The following HSDL1 variants were observed in gnomAD, a reference collection of about 807,000 sequenced individuals.
HSDL1 encodes inactive hydroxysteroid dehydrogenase-like protein 1.
HSDL1 carries 29 observed loss-of-function variants against 31.5 expected under a neutral mutation model. The observed-to-expected ratio is 0.92, with a 90% CI of 0.69 to 1.26. HSDL1 has a LOEUF of 1.26. Ranked by LOEUF, HSDL1 falls within the 50% of genes most tolerant of loss-of-function variation. HSDL1 has a pLI of 0.00. For missense variants in HSDL1, 503 were observed against 416.6 expected, an observed-to-expected ratio of 1.21 and a Z score of -1.81; for synonymous variants, 222 against 155.2, an observed-to-expected ratio of 1.43 and a Z score of -3.20.
At chr16:84,134,634 C>CA (rs1012162607) in intron 2 of HSDL1, among the ~76,000 whole-genome samples, 5 of 151,102 alleles carry the variant, frequency 3.3e-5, no homozygotes, top group East Asian at 2.0e-4. Context: ...AAAAAACAAA[C>CA]AAAAAAAACA....
rs1467025623 is a variant in HSDL1 at position 84,124,581 on chromosome 16, T to C, written c.*49A>G. Reference sequence around the variant, plus strand: ...AAATGTGTTTTTCCAAATGTCAGAATATCGAGGTTCCCAGGAGTTGGCAAA... The same window carrying C: ...AAATGTGTTTTTCCAAATGTCAGAACATCGAGGTTCCCAGGAGTTGGCAAA... On this transcript the variant is annotated 3_prime_UTR_variant, in exon 6 of 6. Transcript: ENST00000219439. The C allele has an allele frequency of 9.3e-7, 1 of 1,077,394 alleles. No individual in the cohort carries two copies. The allele number at this position is 1,077,394 out of a possible 1,614,324, so 66.7% of individuals were successfully genotyped here. A position where few individuals can be genotyped will look rare whatever the true frequency, so the allele number is the denominator to read the frequency against.
At chr16:84,136,369 C>G (rs1221537477) in intron 1 of HSDL1, among the ~76,000 whole-genome samples, 1 of 152,258 alleles carries the variant, frequency 6.6e-6, no homozygotes, top group Non-Finnish European at 1.5e-5. Context: ...ACCACCCCAG[C>G]AGGCTATAGT....
At chr16:84,142,674 G>A (rs898234499) in intron 1 of HSDL1, among the ~76,000 whole-genome samples, 2 of 151,886 alleles carry the variant, frequency 1.3e-5, no homozygotes, top group African/African-American at 2.4e-5. Context: ...TTGAACTCCT[G>A]ACCTTGTGAT....
rs765110652 is a variant in HSDL1, at chr16:84,130,059, CCTTT to C, written c.589_592del (p.Lys197ValfsTer28). ...GCCAGAAGAGATCGTGACGATGGCA[CCTTT>C]CTTTCTCTCCACCATTCCCGGTAAC... On this transcript the variant is annotated frameshift_variant, in exon 4 of 6. Transcript: ENST00000219439. LOFTEE classifies it high-confidence loss of function. 2 of 1,614,136 alleles carry C rather than the reference CCTTT, an allele frequency of 1.2e-6. No individual in the cohort carries two copies. Among genetic ancestry groups the C allele is most frequent in the Admixed American group, 3.3e-5 (2 of 60,004 alleles).
intron 1 of HSDL1, among the ~76,000 whole-genome samples, chr16:84,137,109 G>A (rs530994354): frequency 6.6e-6 from 1 of 152,190 alleles, no homozygotes; most frequent in Non-Finnish European, 1.5e-5. Context: ...GAATAAACCA[G>A]GACTCCGTGC....
intron 5 of HSDL1, among the ~76,000 whole-genome samples, chr16:84,129,032 G>A (rs549531711): frequency 1.3e-5 from 2 of 152,012 alleles, no homozygotes; most frequent in African/African-American, 2.4e-5. Context: ...TCACTTTAAG[G>A]TGCCACATAG....
intron 1 of HSDL1, among the ~76,000 whole-genome samples, chr16:84,144,078 C>G (rs2086806596): frequency 6.8e-6 from 1 of 147,690 alleles, no homozygotes; most frequent in Non-Finnish European, 1.5e-5. Flanking sequence ...CCCTCCCTCT[C>G]TCTCTCTCTC....
chr16:84,143,367 A>G (rs1353897901), intron 1 of HSDL1, among the ~76,000 whole-genome samples: 1 of 152,224 alleles, frequency 6.6e-6, no homozygotes, highest in Non-Finnish European at 1.5e-5. Context: ...CGTATGTTGT[A>G]TGTTTCCACT....
intron 5 of HSDL1, among the ~76,000 whole-genome samples, chr16:84,127,880 A>G (rs960285339): frequency 6.6e-6 from 1 of 151,274 alleles, no homozygotes; most frequent in Non-Finnish European, 1.5e-5. Flanking sequence ...CACCACGCCT[A>G]GCTAATTTTT....
At chr16:84,128,164 C>T (rs887997884) in intron 5 of HSDL1, among the ~76,000 whole-genome samples, 1 of 151,702 alleles carries the variant, frequency 6.6e-6, no homozygotes, top group Middle Eastern at 3.2e-3. Flanking sequence ...TGGCAGGCAC[C>T]TGTAGTCCCA....
At chr16:84,139,218 G>C (rs1028584930) in intron 1 of HSDL1, 1 of 152,166 alleles carries the variant, frequency 6.6e-6, no homozygotes, top group Non-Finnish European at 1.5e-5. Flanking sequence ...CTGTAAATAC[G>C]TCACCTTATG....
chr16:84,137,122 C>G (rs2086720204), intron 1 of HSDL1, among the ~76,000 whole-genome samples: 1 of 152,304 alleles, frequency 6.6e-6, no homozygotes, highest in Middle Eastern at 3.4e-3. Context: ...CTCCGTGCCA[C>G]CCGGTATACA....
chr16:84,134,114 G>C (rs2086691296), intron 2 of HSDL1, among the ~76,000 whole-genome samples: 1 of 151,592 alleles, frequency 6.6e-6, no homozygotes, highest in Admixed American at 6.6e-5. Flanking sequence ...CAAAGTTAGG[G>C]CCCCCCCTTC....
intron 2 of HSDL1, among the ~76,000 whole-genome samples, chr16:84,131,703 C>T (rs1421387814): frequency 1.5e-5 from 2 of 132,214 alleles, no homozygotes; most frequent in African/African-American, 2.9e-5. Context: ...TTTTTTGAGA[C>T]GGAGTCTCGC....
chr16:84,135,008 C>T lies in HSDL1; in HGVS notation c.-7+536G>A, dbSNP rs111411675. Among the ~76,000 whole-genome samples, 481 of 152,134 alleles carry T rather than the reference C, an allele frequency of 3.2e-3. 5 individuals are homozygous for T. The highest frequency in any genetic ancestry group is 0.011 in the African/African-American group (459 of 41,512). ...CAGCACTTTGGGAGGCCGAGACGGG[C>T]GGATCACGAGGTCAGGAGATCAAAA... is the stretch of plus-strand genomic sequence containing the variant. On this transcript the variant is annotated intron_variant, in intron 2 of 5. Coordinates refer to ENST00000219439, the MANE Select transcript of HSDL1 (RefSeq NM_031463.5).
chr16:84,143,717 C>T (rs888486064), intron 1 of HSDL1, among the ~76,000 whole-genome samples: 1 of 151,930 alleles, frequency 6.6e-6, no homozygotes, highest in African/African-American at 2.4e-5. Context: ...ACAAACTTGG[C>T]CGGGTACAGT....
Position 84,124,616 on chromosome 16 carries a change from G to C in HSDL1, c.*14C>G. ...CCCAGGAGTTGGCAAAACTTCTCAA[G>C]TGGCCATCCAGACTCAGGCTGTGCA... On this transcript the variant is annotated 3_prime_UTR_variant, in exon 6 of 6. Transcript: ENST00000219439. 12 of 1,576,122 alleles carry C rather than the reference G, an allele frequency of 7.6e-6. No individual in the cohort carries two copies. Among genetic ancestry groups the C allele is most frequent in the Non-Finnish European group, 9.6e-6 (11 of 1,145,700 alleles).
At chr16:84,144,866 G>T (rs2086828191) in intron 1 of HSDL1, among the ~76,000 whole-genome samples, 1 of 151,558 alleles carries the variant, frequency 6.6e-6, no homozygotes, top group African/African-American at 2.4e-5. Context: ...TCTGAAGGAA[G>T]GAGTCTCACG....
chr16:84,141,067 G>A (rs2086764482), intron 1 of HSDL1, among the ~76,000 whole-genome samples: 1 of 147,602 alleles, frequency 6.8e-6, no homozygotes, highest in Non-Finnish European at 1.5e-5. Context: ...CTCCCGCCTG[G>A]GCGACAGAAC....
Sources: gnomAD v4.1 joint callset for allele counts (sites outside exome capture counted in the v4.1 genomes callset) on GRCh38, gnomAD v4.1.1 for gene constraint, MANE v1.5 for transcripts, NCBI Gene and HGNC (gene_info 2026-07-23, HGNC 2026-07-21) for gene names.